The following CPS1 variants were observed in gnomAD, a reference collection of about 807,000 sequenced individuals.
CPS1 encodes the protein carbamoyl-phosphate synthase 1.
A neutral mutation model predicts 174.6 loss-of-function variants in CPS1; 109 were observed. That is an observed-to-expected ratio of 0.62 (90% CI 0.53 to 0.73). The LOEUF (loss-of-function observed/expected upper bound fraction) is 0.73, where lower values mean the gene tolerates loss of function less well. CPS1 is among the 30% of genes least tolerant of loss of function. CPS1 has a pLI of 0.00. For missense variants in CPS1, 1,689 were observed against 1,821.9 expected, an observed-to-expected ratio of 0.93 and a Z score of 1.33; for synonymous variants, 637 against 632.0, an observed-to-expected ratio of 1.01 and a Z score of -0.12.
intron 1 of CPS1, among the ~76,000 whole-genome samples, chr2:210,514,372 G>A (rs1202738147): frequency 4.6e-5 from 7 of 151,618 alleles, no homozygotes; most frequent in Non-Finnish European, 7.4e-5. Flanking sequence ...GGAGTGTTTT[G>A]TATTTCTCCT....
intron 23 of CPS1, 37 bp from the exon 24 acceptor site, chr2:210,639,955 CACTT>C: frequency 2.9e-6 from 4 of 1,371,646 alleles, no homozygotes; most frequent in Non-Finnish European, 4.2e-6. Context: ...GGAATAATAA[CACTT>C]AATGATTTCT....
At chr2:210,652,252 A>C (rs765031914) in intron 28 of CPS1, among the ~76,000 whole-genome samples, 13 of 152,356 alleles carry the variant, frequency 8.5e-5, no homozygotes, top group Non-Finnish European at 1.6e-4. Flanking sequence ...ATGATGGTGC[A>C]GAAGTAGTCA....
At position 210,503,861 on chromosome 2, in the gene CPS1, G is replaced by A. The variant is rs553825094; in HGVS notation, c.3+26095G>A. On this transcript the variant is annotated intron_variant, in intron 1 of 38. Transcript: ENST00000430249. The stretch of plus-strand genomic sequence containing the variant: ...TTCCTCTTTACAGCACAATTCGGGT[G>A]ACGGCCAAAGCTCTTAGTGTACATA... Among the ~76,000 whole-genome samples the A allele has an allele frequency of 2.6e-5, 4 of 152,286 alleles. No individual in the cohort carries two copies. In the South Asian group the frequency reaches 8.3e-4, roughly 32 times the overall value.
upstream of CPS1, among the ~76,000 whole-genome samples, chr2:210,553,407 T>TA (rs1408256365): frequency 6.6e-6 from 1 of 151,964 alleles, no homozygotes; most frequent in Non-Finnish European, 1.5e-5. Context: ...ATTCATAAAA[T>TA]AAAGTGCCCT....
chr2:210,568,574 A>G (rs1182866878), intron 1 of CPS1, among the ~76,000 whole-genome samples: 10 of 152,060 alleles, frequency 6.6e-5, no homozygotes, highest in Non-Finnish European at 1.2e-4. Flanking sequence ...CATTATTATT[A>G]TTAGATACTA....
Position 210,590,244 on chromosome 2 carries a change from A to G in CPS1, c.840+10A>G, listed in dbSNP as rs778447367. The G allele has an allele frequency of 1.1e-5, 17 of 1,612,276 alleles. 2 individuals are homozygous for G. The South Asian group carries it at 1.9e-4, about 18-fold the overall frequency. On this transcript the variant is annotated intron_variant, in intron 8 of 37. Coordinates refer to ENST00000233072, the MANE Select transcript of CPS1 (RefSeq NM_001875.5). ...TCAGAATGTCAGAAAGGTGCAATGA[A>G]CCTTGAATTCATGTGTATCTGTGTG...
intron 1 of CPS1, among the ~76,000 whole-genome samples, chr2:210,510,328 T>C (rs1477763879): frequency 2.0e-5 from 3 of 152,124 alleles, no homozygotes; most frequent in Non-Finnish European, 2.9e-5. Context: ...TAGCCATATG[T>C]AGAAAGCTGA....
chr2:210,588,243 T>C, intron 7 of CPS1, 96 bp downstream of exon 7: 2 of 1,001,566 alleles, frequency 2.0e-6, no homozygotes, highest in Non-Finnish European at 3.2e-6. Flanking sequence ...ATGCATTCTT[T>C]CAGAATGTCA....
At chr2:210,583,731 A>G (rs1698006944) in intron 6 of CPS1, among the ~76,000 whole-genome samples, 1 of 152,124 alleles carries the variant, frequency 6.6e-6, no homozygotes, top group African/African-American at 2.4e-5. Context: ...AGATGGACTG[A>G]CTGAAGCTAG....
chr2:210,524,209 T>C (rs933623476), intron 1 of CPS1, among the ~76,000 whole-genome samples: 1 of 151,948 alleles, frequency 6.6e-6, no homozygotes, highest in Non-Finnish European at 1.5e-5. Context: ...GGTTCTCAGT[T>C]TGAATCTGCC....
At position 210,602,241 on chromosome 2, in the gene CPS1, C is replaced by T. The variant is rs145186012; in HGVS notation, c.1747C>T (p.Pro583Ser). 6 of 1,612,322 alleles carry T rather than the reference C, an allele frequency of 3.7e-6. No homozygotes were observed. Among genetic ancestry groups the T allele is most frequent in the Non-Finnish European group, 5.1e-6 (6 of 1,179,092 alleles). Reference sequence around the variant, plus strand: ...GAAGGCAGCAGACACCATTGGCTACCCAGTGATGATCCGTTCCGCCTATGC... The same window carrying T: ...GAAGGCAGCAGACACCATTGGCTACTCAGTGATGATCCGTTCCGCCTATGC... The part of the protein sequence containing the change: ...ALKAADTIGY[P>S]VMIRSAYALG... Residue 583 changes from proline to serine, a missense_variant, in exon 16 of 38, where the codon CCA (proline) becomes TCA (serine). Transcript: ENST00000233072.
At chr2:210,591,769 TA>T in intron 9 of CPS1, 61 bp from the exon 10 acceptor site, 1 of 1,553,010 alleles carries the variant, frequency 6.4e-7, no homozygotes, top group Non-Finnish European at 8.9e-7. Flanking sequence ...TTATAAGGAA[TA>T]CATTTATATT....
intron 21 of CPS1, among the ~76,000 whole-genome samples, chr2:210,633,626 G>A (rs1699939944): frequency 6.6e-6 from 1 of 152,052 alleles, no homozygotes; most frequent in Non-Finnish European, 1.5e-5. Context: ...AGAAATGTGA[G>A]GAATCTAATT....
chr2:210,656,353 G>C (rs1574648697), intron 29 of CPS1, among the ~76,000 whole-genome samples, 172 bp from the exon 30 acceptor site: 1 of 152,192 alleles, frequency 6.6e-6, no homozygotes, highest in African/African-American at 2.4e-5. Flanking sequence ...CAGGAAATCT[G>C]TTACTGCACA....
intron 21 of CPS1, among the ~76,000 whole-genome samples, chr2:210,631,867 T>C (rs1241074600): frequency 6.6e-6 from 1 of 152,190 alleles, no homozygotes; most frequent in Non-Finnish European, 1.5e-5. Flanking sequence ...AAAATACTAG[T>C]ACATACAAAT....
chr2:210,668,623 C>T (rs969969800), intron 34 of CPS1, among the ~76,000 whole-genome samples: 2 of 152,048 alleles, frequency 1.3e-5, no homozygotes, highest in South Asian at 2.1e-4. Flanking sequence ...ATCCTTAGTT[C>T]CTGAACATAG....
At chr2:210,604,042 C>G (rs368850992) in intron 16 of CPS1, among the ~76,000 whole-genome samples, 1 of 151,748 alleles carries the variant, frequency 6.6e-6, no homozygotes, top group East Asian at 1.9e-4. Flanking sequence ...CCCTTTGTTT[C>G]CTAGATTTCT....
intron 2 of CPS1, among the ~76,000 whole-genome samples, chr2:210,575,452 C>A (rs1697662822): frequency 6.6e-6 from 1 of 150,504 alleles, no homozygotes; most frequent in Middle Eastern, 3.2e-3. Flanking sequence ...ATGGGAATAA[C>A]GTTTCTTCTT....
intron 21 of CPS1, among the ~76,000 whole-genome samples, chr2:210,635,283 T>C (rs1334781190): frequency 6.6e-6 from 1 of 152,146 alleles, no homozygotes; most frequent in Admixed American, 6.5e-5. Context: ...ATCCCTCCAC[T>C]GCTGTAGTGT....
Sources: allele counts gnomAD v4.1 joint callset (sites outside exome capture counted in the v4.1 genomes callset), GRCh38; gene constraint gnomAD v4.1.1; transcripts MANE v1.5; gene names NCBI Gene and HGNC (gene_info 2026-07-23, HGNC 2026-07-21).